HTR4: variants seen among roughly 807,000 people sequenced by gnomAD.
The protein encoded by HTR4 is 5-hydroxytryptamine (serotonin) receptor 4, G protein-coupled.
A neutral mutation model predicts 36.8 loss-of-function variants in HTR4; 16 were observed. The ratio of observed to expected loss-of-function variants is 0.43; its 90% CI spans 0.29 to 0.66. The LOEUF is 0.66. Among genes scored for constraint, HTR4 ranks in the 30% least tolerant of loss-of-function variants. The pLI is 0.13. For synonymous variants in HTR4, 189 were observed against 185.1 expected (o/e 1.02, Z -0.17); for missense variants, 438 against 490.9 (o/e 0.89, Z 1.02).
chr5:148,472,218 G>T (rs1348336125), downstream of HTR4, among the ~76,000 whole-genome samples: 1 of 152,218 alleles, frequency 6.6e-6, no homozygotes, highest in Non-Finnish European at 1.5e-5. Flanking sequence ...GGCCCATAGA[G>T]ACTGGCATAA....
chr5:148,474,952 G>A (rs545305803), downstream of HTR4, among the ~76,000 whole-genome samples: 11 of 152,054 alleles, frequency 7.2e-5, no homozygotes, highest in Admixed American at 2.6e-4. Context: ...AGGCTGAGGC[G>A]GAGAATTGCT....
At chr5:148,565,943 A>C (rs1760418286) in intron 2 of HTR4, among the ~76,000 whole-genome samples, 1 of 152,196 alleles carries the variant, frequency 6.6e-6, no homozygotes, top group Admixed American at 6.5e-5. Context: ...AGTACTTGTC[A>C]ATGCATATCC....
At chr5:148,572,853 G>A (rs551768248) in intron 2 of HTR4, among the ~76,000 whole-genome samples, 1 of 152,226 alleles carries the variant, frequency 6.6e-6, no homozygotes, top group East Asian at 1.9e-4. Context: ...GCCACAGGCA[G>A]GCTATGGATT....
rs115302014 is a variant in HTR4, at chr5:148,637,861, C to T, written c.-47-800G>A. On this transcript the variant is annotated intron_variant, in intron 1 of 6. Transcript: ENST00000377888. ...AATCAGTAAGTGTAGGGGCAGGGTC[C>T]GGCTGTCTCTTCTAGGGTCACCATG... Among the ~76,000 whole-genome samples, 1,093 of 152,098 alleles carry T rather than the reference C, an allele frequency of 7.2e-3. 12 individuals carry two copies. The highest frequency in any genetic ancestry group is 0.024 in the African/African-American group (975 of 41,472).
intron 2 of HTR4, among the ~76,000 whole-genome samples, chr5:148,636,659 CAGAT>C (rs1490381865): frequency 1.3e-5 from 2 of 152,168 alleles, no homozygotes; most frequent in Non-Finnish European, 2.9e-5. Context: ...TTTAGATATA[CAGAT>C]AGATATTCTT....
chr5:148,642,075 T>C (rs953040145), intron 1 of HTR4, among the ~76,000 whole-genome samples: 1 of 152,236 alleles, frequency 6.6e-6, no homozygotes, highest in Non-Finnish European at 1.5e-5. Context: ...TGCATAACTA[T>C]GCTTGGATTG....
intron 5 of HTR4, among the ~76,000 whole-genome samples, chr5:148,510,522 AT>A (rs1561587484): frequency 6.6e-6 from 1 of 152,204 alleles, no homozygotes; most frequent in Non-Finnish European, 1.5e-5. Context: ...TGCAGTACAT[AT>A]TATAAGTGCA....
chr5:148,566,869 T>C (rs1417391791), intron 2 of HTR4, among the ~76,000 whole-genome samples: 1 of 152,056 alleles, frequency 6.6e-6, no homozygotes, highest in Non-Finnish European at 1.5e-5. Flanking sequence ...GATATTAATC[T>C]AAAAAAATTT....
intron 2 of HTR4, among the ~76,000 whole-genome samples, chr5:148,597,989 C>A (rs1211785371): frequency 6.6e-6 from 1 of 152,182 alleles, no homozygotes; most frequent in Non-Finnish European, 1.5e-5. Flanking sequence ...GAACAATCAA[C>A]ATTCTGAGCA....
chr5:148,547,674 C>G (rs755894989), intron 4 of HTR4, among the ~76,000 whole-genome samples: 9 of 152,126 alleles, frequency 5.9e-5, no homozygotes, highest in Admixed American at 3.3e-4. Context: ...CTGAGGATAA[C>G]TTGAGCACAG....
At chr5:148,552,239 T>C (rs1488363594) in intron 2 of HTR4, among the ~76,000 whole-genome samples, 1 of 152,188 alleles carries the variant, frequency 6.6e-6, no homozygotes, top group Non-Finnish European at 1.5e-5. Flanking sequence ...GGCAGATTGA[T>C]AGATTGTTTA....
At chr5:148,648,130 TC>T (rs530419795) in intron 1 of HTR4, among the ~76,000 whole-genome samples, 11 of 152,356 alleles carry the variant, frequency 7.2e-5, no homozygotes, top group Non-Finnish European at 1.5e-4. Flanking sequence ...TATAGTTCTT[TC>T]AACTTTTCCC....
At chr5:148,515,892 A>G (rs1757726301) in intron 5 of HTR4, among the ~76,000 whole-genome samples, 1 of 151,652 alleles carries the variant, frequency 6.6e-6, no homozygotes. Context: ...TATTTCTACA[A>G]ATATTACATC....
intron 2 of HTR4, among the ~76,000 whole-genome samples, chr5:148,597,766 T>C (rs1423504957): frequency 6.6e-6 from 1 of 152,232 alleles, no homozygotes; most frequent in Non-Finnish European, 1.5e-5. Flanking sequence ...TTTCTTTTCC[T>C]GCATAAGTTA....
intron 2 of HTR4, among the ~76,000 whole-genome samples, chr5:148,554,138 C>T (rs1443347623): frequency 7.9e-5 from 12 of 152,202 alleles, no homozygotes; most frequent in Admixed American, 5.9e-4. Context: ...TGCAATGGCG[C>T]GATCTTGGCT....
chr5:148,596,497 G>A (rs576124390), intron 2 of HTR4, among the ~76,000 whole-genome samples: 6 of 152,236 alleles, frequency 3.9e-5, no homozygotes, highest in Non-Finnish European at 8.8e-5. Flanking sequence ...CTCTAGCTCA[G>A]CGTTTCCCAA....
At chr5:148,473,002 G>A (rs533892810), downstream of HTR4, among the ~76,000 whole-genome samples, 8 of 152,148 alleles carry the variant, frequency 5.3e-5, no homozygotes, top group South Asian at 1.7e-3. Flanking sequence ...GATGTAGAGG[G>A]AAAAAAGGTA....
chr5:148,464,556 A>G (rs952742956), intron 5 of HTR4, among the ~76,000 whole-genome samples: 5 of 152,206 alleles, frequency 3.3e-5, no homozygotes, highest in African/African-American at 1.2e-4. Context: ...ACCTATAAAA[A>G]TAATCAAAAT....
intron 5 of HTR4, among the ~76,000 whole-genome samples, chr5:148,453,348 G>A (rs894326050): frequency 2.6e-5 from 4 of 152,190 alleles, no homozygotes; most frequent in African/African-American, 7.2e-5. Context: ...AGAGCTAGTA[G>A]TTGCTCCCTG....
Sources: gnomAD v4.1 joint callset for allele counts (sites outside exome capture counted in the v4.1 genomes callset) on GRCh38, gnomAD v4.1.1 for gene constraint, MANE v1.5 for transcripts, NCBI Gene and HGNC (gene_info 2026-07-23, HGNC 2026-07-21) for gene names.